The following PGR variants were observed in gnomAD, a reference collection of about 807,000 sequenced individuals.
PGR encodes nuclear receptor subfamily 3 group C member 3.
A neutral mutation model predicts 76.1 loss-of-function variants in PGR; 25 were observed. That is an observed-to-expected ratio of 0.33 (90% CI 0.24 to 0.46). The LOEUF (loss-of-function observed/expected upper bound fraction) is 0.46. PGR is among the 20% of genes least tolerant of loss of function. The probability of loss-of-function intolerance (pLI) is 1.00; values close to 1 mark genes in which losing one functional copy is unlikely to be tolerated. For missense variants in PGR, 1,172 were observed against 1,225.3 expected (o/e 0.96, Z 0.65); for synonymous variants, 579 against 535.0 (o/e 1.08, Z -1.14).
chr11:101,092,321 C>T (rs534869331), intron 2 of PGR, among the ~76,000 whole-genome samples: 1 of 152,150 alleles, frequency 6.6e-6, no homozygotes, highest in African/African-American at 2.4e-5. Flanking sequence ...CTGGAAAAGA[C>T]CTTTTAAAAA....
At chr11:101,121,942 G>A (rs976105800) in intron 2 of PGR, among the ~76,000 whole-genome samples, 6 of 151,996 alleles carry the variant, frequency 3.9e-5, no homozygotes, top group Non-Finnish European at 5.9e-5. Flanking sequence ...CGAGGCAGGC[G>A]GATCATGAGG....
In PGR at chr11:101,029,856, A is replaced by G. The variant is rs1484701323; in HGVS notation, c.*9260T>C. 4.5e-6 allele frequency: 1 copy of G among 221,534 alleles called. No homozygotes were observed. The highest frequency in any genetic ancestry group is 9.0e-6 in the Non-Finnish European group (1 of 110,722). 13.7% of individuals were successfully genotyped at this position (221,534 alleles called of 1,614,324 possible). On this transcript the variant is annotated 3_prime_UTR_variant, in exon 8 of 8. Transcript: ENST00000325455. ...AGATGGGATTTTGCATATTAGCTTG[A>G]AAATAAGTATATGATGATGATATTA...
intron 1 of PGR, among the ~76,000 whole-genome samples, chr11:101,126,579 TGA>T (rs778675649): frequency 2.0e-5 from 3 of 152,228 alleles, no homozygotes; most frequent in Non-Finnish European, 2.9e-5. Flanking sequence ...GTTTTGGTTT[TGA>T]GTTTTTAAAA....
intron 3 of PGR, among the ~76,000 whole-genome samples, chr11:101,091,342 T>C (rs989125767): frequency 6.6e-6 from 1 of 152,366 alleles, no homozygotes; most frequent in Admixed American, 6.5e-5. Context: ...GCAATGTACC[T>C]GACCAATTTG....
At chr11:101,118,757 A>G (rs1307310249) in intron 2 of PGR, among the ~76,000 whole-genome samples, 1 of 152,256 alleles carries the variant, frequency 6.6e-6, no homozygotes, top group Non-Finnish European at 1.5e-5. Context: ...ATGATAGATT[A>G]TATGAAGTAT....
intron 2 of PGR, among the ~76,000 whole-genome samples, chr11:101,101,007 T>G (rs1242287295): frequency 6.6e-6 from 1 of 152,182 alleles, no homozygotes; most frequent in Admixed American, 6.6e-5. Context: ...GAATTCAGAT[T>G]TTCACATGTA....
chr11:101,113,110 A>T (rs1020867419), intron 2 of PGR, among the ~76,000 whole-genome samples: 4 of 117,974 alleles, frequency 3.4e-5, no homozygotes, highest in African/African-American at 1.1e-4. Context: ...CCTTCACAAC[A>T]AAATCAAATA....
Position 101,039,047 on chromosome 11 carries a change from C to T in PGR, c.*69G>A. On this transcript the variant is annotated 3_prime_UTR_variant, in exon 8 of 8. Transcript: ENST00000325455. ...AGAAGAACATTATAAAAACTCAAGA[C>T]CTCATAATCCTGACCAAAACAAAAA... 8.4e-7 allele frequency: 1 copy of T among 1,191,078 alleles called. No homozygotes were observed. Among genetic ancestry groups the T allele is most frequent in the Non-Finnish European group, 1.2e-6 (1 of 804,698 alleles). 73.8% of individuals were successfully genotyped at this position (1,191,078 alleles called of 1,614,324 possible). A position where few individuals can be genotyped will look rare whatever the true frequency, so the allele number is the denominator to read the frequency against.
In PGR at chr11:101,038,783, G is replaced by T; in HGVS notation, c.*333C>A. 1 of 259,292 alleles carries T rather than the reference G, an allele frequency of 3.9e-6. No individual in the cohort carries two copies. The highest frequency in any genetic ancestry group is 1.1e-4 in the South Asian group (1 of 9,252). 16.1% of individuals were successfully genotyped at this position (259,292 alleles called of 1,614,324 possible). A position where few individuals can be genotyped will look rare whatever the true frequency, so the allele number is the denominator to read the frequency against. ...TTACATGTAAGATTTTTTCTCTTAA[G>T]TCGATGATTTGTTAGATGCAAAAGT... On this transcript the variant is annotated 3_prime_UTR_variant, in exon 8 of 8. Coordinates refer to ENST00000325455, the MANE Select transcript of PGR (RefSeq NM_000926.4).
chr11:101,076,276 T>C (rs1048033110), intron 3 of PGR, among the ~76,000 whole-genome samples: 1 of 118,718 alleles, frequency 8.4e-6, no homozygotes, highest in African/African-American at 3.4e-5. Context: ...TGAGAACACA[T>C]GGACACAGGG....
At position 101,128,836 on chromosome 11, in the gene PGR, A is replaced by C; in HGVS notation, c.235T>G (p.Ser79Ala). 6.2e-7 allele frequency: 1 copy of C among 1,614,116 alleles called. No homozygotes were observed. The highest frequency in any genetic ancestry group is 1.3e-5 in the African/African-American group (1 of 75,052). The change falls in exon 1 of 8, where the codon TCG becomes GCG. Residue 79 changes from serine to alanine, a missense_variant. This residue lies in a region of PGR where 893 missense variants were observed against 785.9 expected (regional missense o/e 1.14). Coordinates refer to ENST00000325455, the MANE Select transcript of PGR (RefSeq NM_000926.4). ...PSDEKTQDQQSLSDVEGAYSR... is the reference protein window; with the variant it reads ...PSDEKTQDQQALSDVEGAYSR... ...TATGCGCCCTCCACGTCCGACAGCG[A>C]CTGCTGGTCCTGCGTCTTTTCGTCG...
Position 101,035,983 on chromosome 11 carries a change from C to G in PGR, c.*3133G>C, listed in dbSNP as rs1859504107. On this transcript the variant is annotated 3_prime_UTR_variant, in exon 8 of 8. Coordinates refer to ENST00000325455, the MANE Select transcript of PGR (RefSeq NM_000926.4). ...TATACGTTTTTTTTGGTTTCCATTT[C>G]TATTCATTACAAAGCACTTGGGAAA... is the stretch of plus-strand genomic sequence containing the variant. 4.4e-6 allele frequency: 1 copy of G among 226,266 alleles called. No individual in the cohort carries two copies. The highest frequency in any genetic ancestry group is 1.8e-4 in the South Asian group (1 of 5,456). 14.0% of individuals were successfully genotyped at this position (226,266 alleles called of 1,614,324 possible). A position where few individuals can be genotyped will look rare whatever the true frequency, so the allele number is the denominator to read the frequency against.
intron 4 of PGR, among the ~76,000 whole-genome samples, chr11:101,057,608 T>C (rs951946185): frequency 6.6e-6 from 1 of 152,142 alleles, no homozygotes; most frequent in African/African-American, 2.4e-5. Context: ...GCAACATGAA[T>C]CCAAGTAAAA....
At chr11:101,107,709 T>C (rs1862208690) in intron 2 of PGR, among the ~76,000 whole-genome samples, 1 of 152,078 alleles carries the variant, frequency 6.6e-6, no homozygotes, top group South Asian at 2.1e-4. Context: ...CTCATATCTA[T>C]GAAGTTTAGT....
At chr11:101,124,235 G>A (rs1246835479) in intron 2 of PGR, among the ~76,000 whole-genome samples, 9 of 152,182 alleles carry the variant, frequency 5.9e-5, no homozygotes, top group Non-Finnish European at 1.0e-4. Flanking sequence ...CTTTCTAAGA[G>A]TACATTTGGA....
chr11:101,112,689 T>A lies in PGR; in HGVS notation c.1789+13318A>T, dbSNP rs947701204. On this transcript the variant is annotated intron_variant, in intron 2 of 7. Coordinates refer to ENST00000325455, the MANE Select transcript of PGR (RefSeq NM_000926.4). The stretch of plus-strand genomic sequence containing the variant: ...AGGGCAGATTATCTAGTCATAATAT[T>A]CACTTTCAATTCCACATACCAGTTA... Among the ~76,000 whole-genome samples the A allele has an allele frequency of 6.6e-5, 10 of 152,252 alleles. No individual in the cohort carries two copies. In the East Asian group the frequency reaches 1.7e-3, roughly 27 times the overall value.
intron 4 of PGR, among the ~76,000 whole-genome samples, chr11:101,053,691 TCTCA>T (rs1565334155): frequency 7.0e-6 from 1 of 143,012 alleles, no homozygotes; most frequent in Non-Finnish European, 1.5e-5. Flanking sequence ...TCCTTTCTTC[TCTCA>T]CTCCCTTCCT....
At position 101,036,177 on chromosome 11, in the gene PGR, CA is replaced by C. The variant is rs1247999193; in HGVS notation, c.*2938del. On this transcript the variant is annotated 3_prime_UTR_variant, in exon 8 of 8. Coordinates refer to ENST00000325455, the MANE Select transcript of PGR (RefSeq NM_000926.4). ...CAGGTTGACATTCCATGGCTACTTA[CA>C]AGGCATAGTTTTGGCAAAAAAAATA... is the stretch of plus-strand genomic sequence containing the variant. 12 of 220,324 alleles carry C rather than the reference CA, an allele frequency of 5.4e-5. No individual in the cohort carries two copies. The highest frequency in any genetic ancestry group is 1.0e-4 in the Non-Finnish European group (11 of 109,974). The allele number at this position is 220,324 out of a possible 1,614,324, so 13.6% of individuals were successfully genotyped here.
At chr11:101,084,156 A>AC (rs1861412698) in intron 3 of PGR, among the ~76,000 whole-genome samples, 1 of 151,690 alleles carries the variant, frequency 6.6e-6, no homozygotes, top group East Asian at 1.9e-4. Flanking sequence ...CCCCTGACCC[A>AC]CCTCTCCTAC....
Sources: gnomAD v4.1 joint callset for allele counts (sites outside exome capture counted in the v4.1 genomes callset) on GRCh38, gnomAD v4.1.1 for gene constraint, gnomAD v4.1.1 regional missense constraint, MANE v1.5 for transcripts, NCBI Gene and HGNC (gene_info 2026-07-23, HGNC 2026-07-21) for gene names.